The following UNG variants were observed in gnomAD, a reference collection of about 807,000 sequenced individuals.
The protein encoded by UNG is uracil DNA glycosylase.
Under a neutral mutation model 36.5 loss-of-function variants are expected in UNG, and 34 were observed. That is an observed-to-expected ratio of 0.93 (90% confidence interval 0.71 to 1.24). The LOEUF is 1.24. Ranked by LOEUF, UNG falls within the 50% of genes most tolerant of loss-of-function variation. The pLI is 0.00. For missense variants in UNG, 391 were observed against 397.6 expected (o/e 0.98, Z 0.14); for synonymous variants, 172 against 157.8 (o/e 1.09, Z -0.67).
intron 6 of UNG, among the ~76,000 whole-genome samples, chr12:109,107,736 G>C (rs1181025977): frequency 6.6e-6 from 1 of 150,844 alleles, no homozygotes; most frequent in Non-Finnish European, 1.5e-5. Context: ...TGTTGGTCAG[G>C]CTGGTCTTGA....
chr12:109,109,883 G>A lies in UNG; in HGVS notation c.856G>A (p.Gly286Arg). The stretch of plus-strand genomic sequence containing the variant: ...TCCCTCCCCTTTGTCAGTGTATAGA[G>A]GGTTCTTTGGATGTAGACACTTTTC... ...AHPSPLSVYR[G>R]FFGCRHFSKT... Residue 286 changes from glycine to arginine, a missense_variant, in exon 7 of 7, where the codon GGG (glycine) becomes AGG (arginine). Physicochemically the swap from Gly to Arg is moderately radical, Grantham distance 125. Transcript: ENST00000242576. 6.2e-7 allele frequency: 1 copy of A among 1,614,092 alleles called. No individual in the cohort carries two copies. The highest frequency in any genetic ancestry group is 1.1e-5 in the South Asian group (1 of 91,080).
In UNG at chr12:109,098,538, C is replaced by T. The variant is rs1159743111; in HGVS notation, c.239C>T (p.Ala80Val). 6.2e-6 allele frequency: 10 copies of T among 1,612,864 alleles called. No homozygotes were observed. The East Asian group carries it at 8.9e-5, about 14-fold the overall frequency. Residue 80 changes from alanine to valine, a missense_variant, in exon 2 of 7, where the codon GCG becomes GTG. Coordinates refer to ENST00000242576, the MANE Select transcript of UNG (RefSeq NM_080911.3). ...GACCGGATCCAGAGGAACAAGGCCG[C>T]GGCCCTGCTCAGACTCGCGGCCCGC... is the stretch of plus-strand genomic sequence containing the variant. Reference protein sequence around the residue: ...QLDRIQRNKAAALLRLAARNV... With the variant: ...QLDRIQRNKAVALLRLAARNV...
chr12:109,109,329 C>T (rs567725041), intron 6 of UNG, among the ~76,000 whole-genome samples: 1 of 152,222 alleles, frequency 6.6e-6, no homozygotes, highest in East Asian at 1.9e-4. Flanking sequence ...CTTTGCATCT[C>T]AGAGCCTAGC....
Position 109,098,438 on chromosome 12 carries a change from C to G in UNG, c.139C>G (p.Pro47Ala). ...CTGCGGGGACCACTTGCAGGCCATC[C>G]CAGCCAAGAAGGCCCCGGCTGGGCA... Reference protein sequence around the residue: ...PEESGDAAAIPAKKAPAGQEE... With the variant: ...PEESGDAAAIAAKKAPAGQEE... The change falls in exon 2 of 7, where the codon CCA (proline) becomes GCA (alanine). Residue 47 changes from proline to alanine, a missense_variant. By Grantham distance (27) the Pro-to-Ala change is conservative. Transcript: ENST00000242576. The G allele has an allele frequency of 1.2e-6, 2 of 1,607,884 alleles. No individual in the cohort carries two copies. The highest frequency in any genetic ancestry group is 3.3e-4 in the Middle Eastern group (2 of 5,994).
chr12:109,102,095 C>T, intron 4 of UNG, 96 bp downstream of exon 4: 3 of 1,123,010 alleles, frequency 2.7e-6, no homozygotes, highest in Non-Finnish European at 4.0e-6. Context: ...GCACTGTTCA[C>T]TAGCCTTGGA....
chr12:109,105,073 C>T (rs947403552), intron 6 of UNG: 1 of 152,056 alleles, frequency 6.6e-6, no homozygotes, highest in African/African-American at 2.4e-5. Context: ...CCACCACACC[C>T]AGCTAATATT....
In UNG at chr12:109,098,534, G is replaced by C; in HGVS notation, c.235G>C (p.Ala79Pro). ...GTTGGACCGGATCCAGAGGAACAAGGCCGCGGCCCTGCTCAGACTCGCGGC... is the reference window on the plus strand; with the variant it reads ...GTTGGACCGGATCCAGAGGAACAAGCCCGCGGCCCTGCTCAGACTCGCGGC... The part of the protein sequence containing the change: ...EQLDRIQRNK[A>P]AALLRLAARN... Residue 79 changes from alanine to proline, a missense_variant, in exon 2 of 7, where the codon GCC becomes CCC. Ala to Pro is a conservative substitution (Grantham distance 27). Coordinates refer to ENST00000242576, the MANE Select transcript of UNG (RefSeq NM_080911.3). 2 of 1,613,072 alleles carry C rather than the reference G, an allele frequency of 1.2e-6. No individual in the cohort carries two copies. The highest frequency in any genetic ancestry group is 2.2e-5 in the East Asian group (1 of 44,886).
intron 6 of UNG, among the ~76,000 whole-genome samples, chr12:109,105,838 C>G (rs984150683): frequency 1.2e-4 from 18 of 152,232 alleles, no homozygotes; most frequent in Non-Finnish European, 1.2e-4. Context: ...CCTGATCTTG[C>G]CTGGAGGGTT....
chr12:109,102,251 G>A (rs989062709), intron 4 of UNG, among the ~76,000 whole-genome samples: 2 of 152,144 alleles, frequency 1.3e-5, no homozygotes, highest in African/African-American at 4.8e-5. Context: ...CCCCCAGCTC[G>A]TGATAATGAA....
intron 6 of UNG, among the ~76,000 whole-genome samples, chr12:109,105,451 G>A (rs2135889548): frequency 6.6e-6 from 1 of 152,306 alleles, no homozygotes; most frequent in Non-Finnish European, 1.5e-5. Context: ...TGGTCTGAAA[G>A]TAAACAGTTG....
intron 6 of UNG, 33 bp from the exon 7 acceptor site, chr12:109,109,796 A>G (rs756699200): frequency 6.2e-7 from 1 of 1,611,080 alleles, no homozygotes; most frequent in Non-Finnish European, 8.5e-7. Context: ...AAAAGTCCCA[A>G]ATCTGCCACC....
intron 6 of UNG, 25 bp downstream of exon 6, chr12:109,103,636 TTTC>T (rs1289500655): frequency 1.3e-4 from 196 of 1,560,462 alleles, no homozygotes; most frequent in Non-Finnish European, 1.6e-4. Context: ...CTTTCTTTTT[TTTC>T]TTTTTTTTTT....
intron 6 of UNG, among the ~76,000 whole-genome samples, chr12:109,106,891 A>ATATGTGTG (rs2042219458): frequency 1.1e-5 from 1 of 87,426 alleles, no homozygotes; most frequent in Non-Finnish European, 1.9e-5. Context: ...ATATATATAC[A>ATATGTGTG]CATATATATA....
chr12:109,097,879 AG>A, intron 1 of UNG, 68 bp downstream of exon 1: 1 of 1,446,568 alleles, frequency 6.9e-7, no homozygotes, highest in Non-Finnish European at 9.1e-7. Flanking sequence ...CGCCTGACGG[AG>A]GGCGTGCAGG....
intron 3 of UNG, among the ~76,000 whole-genome samples, chr12:109,101,278 A>T (rs929464266): frequency 6.6e-6 from 1 of 151,602 alleles, no homozygotes; most frequent in Non-Finnish European, 1.5e-5. Context: ...TTTTTAGTAG[A>T]GATGGGGTTT....
intron 2 of UNG, 88 bp downstream of exon 2, chr12:109,098,726 T>G: frequency 6.4e-7 from 1 of 1,569,332 alleles, no homozygotes; most frequent in Non-Finnish European, 8.7e-7. Flanking sequence ...AAGTTCATGT[T>G]TCCGTAGGCT....
Position 109,097,703 on chromosome 12 carries a change from C to T in UNG, c.24C>T (p.Tyr8=). The T allele has an allele frequency of 1.3e-6, 2 of 1,599,124 alleles. No homozygotes were observed. The highest frequency in any genetic ancestry group is 2.2e-5 in the South Asian group (2 of 89,290). Residue 8 remains tyrosine, a synonymous_variant, in exon 1 of 7, where the codon TAC becomes TAT. Coordinates refer to ENST00000242576, the MANE Select transcript of UNG (RefSeq NM_080911.3). ...GGATGATCGGCCAGAAGACGCTCTACTCCTTTTTCTCCCCCAGCCCCGCCA... is the reference window on the plus strand; with the variant it reads ...GGATGATCGGCCAGAAGACGCTCTATTCCTTTTTCTCCCCCAGCCCCGCCA... The part of the protein sequence containing the change: MIGQKTL[Y]SFFSPSPARK...
intron 1 of UNG, 108 bp downstream of exon 1, chr12:109,097,919 C>T (rs1345627190): frequency 2.2e-6 from 3 of 1,370,372 alleles, no homozygotes; most frequent in Non-Finnish European, 2.9e-6. Flanking sequence ...TAAACCCGGG[C>T]TCCGCTTTCC....
At chr12:109,102,060 C>T in intron 4 of UNG, 61 bp downstream of exon 4, 1 of 1,487,494 alleles carries the variant, frequency 6.7e-7, no homozygotes, top group Non-Finnish European at 9.4e-7. Flanking sequence ...GTGTACTTAG[C>T]TTATTACAAG....
Sources: allele counts gnomAD v4.1 joint callset (sites outside exome capture counted in the v4.1 genomes callset), GRCh38; gene constraint gnomAD v4.1.1; transcripts MANE v1.5; gene names NCBI Gene and HGNC (gene_info 2026-07-23, HGNC 2026-07-21).